Variants in ASAP2 observed in about 807,000 individuals in gnomAD.
The protein encoded by ASAP2 is ArfGAP with SH3 domain, ankyrin repeat and PH domain 2.
ASAP2 carries 45 observed loss-of-function variants against 131.4 expected under a neutral mutation model. That is an observed-to-expected ratio of 0.34 (90% CI 0.27 to 0.44). ASAP2 has a LOEUF of 0.44. ASAP2 is among the 20% of genes least tolerant of loss of function. ASAP2 has a pLI of 1.00. For missense variants in ASAP2, 1,011 were observed against 1,297.0 expected (o/e 0.78, Z 3.39); for synonymous variants, 510 against 503.0 (o/e 1.01, Z -0.19).
At chr2:9,330,215 A>T (rs1023028578) in intron 7 of ASAP2, among the ~76,000 whole-genome samples, 4 of 152,204 alleles carry the variant, frequency 2.6e-5, no homozygotes, top group African/African-American at 9.7e-5. Flanking sequence ...CAAAGTTAAA[A>T]GAGAGCTTCA....
chr2:9,284,059 C>T (rs183543735), intron 2 of ASAP2, among the ~76,000 whole-genome samples: 398 of 152,304 alleles, frequency 2.6e-3, no homozygotes, highest in Non-Finnish European at 4.0e-3. Flanking sequence ...ATGACATTGG[C>T]CTCATCCAGA....
intron 1 of ASAP2, among the ~76,000 whole-genome samples, chr2:9,222,618 A>G (rs1006793255): frequency 3.3e-5 from 5 of 152,152 alleles, no homozygotes; most frequent in Admixed American, 2.6e-4. Context: ...TTTGGCAAAT[A>G]GGAATGAGGT....
Position 9,221,321 on chromosome 2 carries a change from T to C in ASAP2, c.126+14091T>C, listed in dbSNP as rs376574722. On this transcript the variant is annotated intron_variant, in intron 1 of 27. Coordinates refer to ENST00000281419, the MANE Select transcript of ASAP2 (RefSeq NM_003887.3). Reference sequence around the variant, plus strand: ...GAAGTTTTTTTCATTTTCTTTTCTTTTCTTTTTTTTTTTTTTTTGAGACGG... The same window carrying C: ...GAAGTTTTTTTCATTTTCTTTTCTTCTCTTTTTTTTTTTTTTTTGAGACGG... 1.8e-4 allele frequency among the ~76,000 whole-genome samples: 26 copies of C among 146,338 alleles called. No individual in the cohort carries two copies. In the East Asian group the frequency reaches 4.3e-3, roughly 24 times the overall value.
intron 3 of ASAP2, among the ~76,000 whole-genome samples, chr2:9,318,127 A>G (rs538717739): frequency 2.6e-5 from 4 of 152,272 alleles, no homozygotes; most frequent in African/African-American, 9.6e-5. Flanking sequence ...CAGAGCACCA[A>G]CCCCAGTACA....
At chr2:9,242,029 T>C (rs371250546) in intron 1 of ASAP2, among the ~76,000 whole-genome samples, 14 of 152,338 alleles carry the variant, frequency 9.2e-5, no homozygotes, top group African/African-American at 3.4e-4. Context: ...GGTTAGCTTC[T>C]TCGAGCACTA....
intron 6 of ASAP2, 41 bp from the exon 7 acceptor site, chr2:9,327,785 T>A (rs1266164656): frequency 6.8e-7 from 1 of 1,472,374 alleles, no homozygotes; most frequent in Middle Eastern, 1.7e-4. Flanking sequence ...AAACTCGTAT[T>A]CTGCTTACTT....
At chr2:9,284,849 A>G (rs1667367246) in intron 2 of ASAP2, among the ~76,000 whole-genome samples, 1 of 152,224 alleles carries the variant, frequency 6.6e-6, no homozygotes, top group Admixed American at 6.5e-5. Context: ...GTGTTACGAC[A>G]GGCCCTGTAT....
At chr2:9,229,342 A>G (rs1035245877) in intron 1 of ASAP2, among the ~76,000 whole-genome samples, 3 of 152,122 alleles carry the variant, frequency 2.0e-5, no homozygotes, top group Non-Finnish European at 4.4e-5. Flanking sequence ...AGTGAGCCTC[A>G]GCCCCACCTC....
At chr2:9,368,318 C>G (rs1410330808) in intron 15 of ASAP2, 107 bp from the exon 16 acceptor site, 6 of 1,012,854 alleles carry the variant, frequency 5.9e-6, no homozygotes, top group African/African-American at 4.8e-5. Flanking sequence ...CTTTATTGCT[C>G]TATTTCTTAG....
intron 4 of ASAP2, among the ~76,000 whole-genome samples, chr2:9,319,031 T>C (rs1669979173): frequency 6.6e-6 from 1 of 152,216 alleles, no homozygotes; most frequent in South Asian, 2.1e-4. Flanking sequence ...TTTGTCTCTC[T>C]GTCCTTCAGA....
chr2:9,371,897 A>T (rs1304199124), intron 16 of ASAP2, among the ~76,000 whole-genome samples: 2 of 152,146 alleles, frequency 1.3e-5, no homozygotes, highest in Non-Finnish European at 2.9e-5. Context: ...TGGGCGGATC[A>T]CGAGGTCAGG....
intron 3 of ASAP2, among the ~76,000 whole-genome samples, chr2:9,313,650 C>G (rs1669462891): frequency 6.6e-6 from 1 of 152,204 alleles, no homozygotes; most frequent in Admixed American, 6.5e-5. Flanking sequence ...AGCATTGGCT[C>G]CCAGCCAGGC....
chr2:9,334,936 T>A, intron 8 of ASAP2, 123 bp downstream of exon 8: 1 of 1,340,664 alleles, frequency 7.5e-7, no homozygotes, highest in Non-Finnish European at 1.1e-6. Context: ...AGTGTGGCGT[T>A]CCCACGCCTG....
At chr2:9,337,006 T>A (rs564357597) in intron 9 of ASAP2, among the ~76,000 whole-genome samples, 1 of 152,362 alleles carries the variant, frequency 6.6e-6, no homozygotes, top group Admixed American at 6.5e-5. Flanking sequence ...ATTAGGAGGT[T>A]TGGGAAAACG....
At chr2:9,365,991 T>C (rs1673446945) in intron 15 of ASAP2, among the ~76,000 whole-genome samples, 1 of 152,152 alleles carries the variant, frequency 6.6e-6, no homozygotes, top group African/African-American at 2.4e-5. Context: ...CACAAATTCC[T>C]TCTGGGTGCC....
At chr2:9,360,875 T>C (rs1266992537) in intron 15 of ASAP2, among the ~76,000 whole-genome samples, 1 of 152,192 alleles carries the variant, frequency 6.6e-6, no homozygotes, top group Non-Finnish European at 1.5e-5. Flanking sequence ...CCTGAAATTT[T>C]AACAGTTGAC....
intron 15 of ASAP2, among the ~76,000 whole-genome samples, chr2:9,360,041 A>T (rs1289399063): frequency 6.6e-6 from 1 of 152,222 alleles, no homozygotes; most frequent in African/African-American, 2.4e-5. Flanking sequence ...ACAGGTGTAC[A>T]TGTGGTATCT....
chr2:9,215,038 C>T (rs1042447334), intron 1 of ASAP2, among the ~76,000 whole-genome samples: 6 of 152,106 alleles, frequency 3.9e-5, no homozygotes, highest in African/African-American at 1.4e-4. Context: ...CTTCATTGTG[C>T]GAACATCCTA....
At chr2:9,298,822 G>T (rs1668313897) in intron 3 of ASAP2, among the ~76,000 whole-genome samples, 1 of 152,196 alleles carries the variant, frequency 6.6e-6, no homozygotes, top group Admixed American at 6.5e-5. Flanking sequence ...CTGCCTGTTA[G>T]CTTCCTGGTG....
Sources: allele counts gnomAD v4.1 joint callset (sites outside exome capture counted in the v4.1 genomes callset), GRCh38; gene constraint gnomAD v4.1.1; transcripts MANE v1.5; gene names NCBI Gene and HGNC (gene_info 2026-07-23, HGNC 2026-07-21).